ST18: variants seen among roughly 807,000 people sequenced by gnomAD.
The protein encoded by ST18 is suppression of tumorigenicity 18 protein.
ST18 carries 50 observed loss-of-function variants against 110.0 expected under a neutral mutation model. That is an observed-to-expected ratio of 0.45 (90% CI 0.36 to 0.58). The LOEUF is 0.58. ST18 is among the 20% of genes least tolerant of loss of function. ST18 has a pLI of 0.00. For synonymous variants in ST18, 461 were observed against 452.4 expected (o/e 1.02, Z -0.24); for missense variants, 1,306 against 1,280.1 (o/e 1.02, Z -0.31).
intron 17 of ST18, among the ~76,000 whole-genome samples, chr8:52,138,065 A>C (rs2053205906): frequency 6.7e-6 from 1 of 150,032 alleles, no homozygotes; most frequent in Non-Finnish European, 1.5e-5. Flanking sequence ...GCACCATTGC[A>C]CTGGGCAACA....
intron 2 of ST18, among the ~76,000 whole-genome samples, chr8:52,292,496 A>G (rs1325933259): frequency 6.6e-6 from 1 of 152,236 alleles, no homozygotes; most frequent in African/African-American, 2.4e-5. Context: ...TCTTACAAGT[A>G]TATGCACCTA....
chr8:52,372,631 A>C (rs1590362457), intron 2 of ST18, among the ~76,000 whole-genome samples: 1 of 152,304 alleles, frequency 6.6e-6, no homozygotes, highest in East Asian at 1.9e-4. Flanking sequence ...TCCATGTTTA[A>C]ATATGTTTAG....
intron 19 of ST18, among the ~76,000 whole-genome samples, chr8:52,135,795 A>G (rs2051949410): frequency 6.6e-6 from 1 of 152,064 alleles, no homozygotes; most frequent in Non-Finnish European, 1.5e-5. Flanking sequence ...CTAAGAAAAT[A>G]TAATACGTGA....
At chr8:52,194,041 A>AT (rs34683945) in intron 8 of ST18, among the ~76,000 whole-genome samples, 3 of 151,918 alleles carry the variant, frequency 2.0e-5, no homozygotes, top group Admixed American at 6.6e-5. Flanking sequence ...AAAGGGGAGA[A>AT]TTTTTTTTCC....
At chr8:52,374,707 C>G (rs1831554991) in intron 2 of ST18, among the ~76,000 whole-genome samples, 2 of 152,142 alleles carry the variant, frequency 1.3e-5, no homozygotes, top group Admixed American at 6.5e-5. Context: ...TGACAGGCTG[C>G]AGTGTGTGTT....
chr8:52,254,126 A>G (rs1247063917), intron 2 of ST18: 1 of 152,094 alleles, frequency 6.6e-6, no homozygotes, highest in Non-Finnish European at 1.5e-5. Context: ...CTTTGCTAAC[A>G]TCCACCCCCC....
In ST18 at chr8:52,215,323, G is replaced by A. The variant is rs1289573772; in HGVS notation, c.1-1066C>T. 5.3e-5 allele frequency among the ~76,000 whole-genome samples: 8 copies of A among 152,254 alleles called. No individual in the cohort carries two copies. In the South Asian group the frequency reaches 6.2e-4, roughly 12 times the overall value. On this transcript the variant is annotated intron_variant, in intron 6 of 25. Coordinates refer to ENST00000689386, the MANE Select transcript of ST18 (RefSeq NM_001352837.2). ...ATGTGCCACACTTTTACTGCCATTC[G>A]ACGCTCTCCAAGGTCCTGCACATAA...
chr8:52,236,700 T>C (rs1047185816), intron 2 of ST18, among the ~76,000 whole-genome samples: 17 of 151,678 alleles, frequency 1.1e-4, no homozygotes, highest in Non-Finnish European at 1.9e-4. Flanking sequence ...TTGAGAAAAA[T>C]CATAGAAAGA....
intron 2 of ST18, among the ~76,000 whole-genome samples, chr8:52,353,245 G>A (rs776529511): frequency 1.3e-5 from 2 of 152,090 alleles, no homozygotes; most frequent in Non-Finnish European, 1.5e-5. Flanking sequence ...TCACACTGTC[G>A]AAGCACTTTA....
chr8:52,407,434 A>G (rs760816234), intron 2 of ST18: 1 of 144,488 alleles, frequency 6.9e-6, no homozygotes, highest in East Asian at 2.0e-4. Context: ...ACGAATCTGA[A>G]TTTGTGATTT....
chr8:52,386,637 T>C (rs1301716665), intron 2 of ST18, among the ~76,000 whole-genome samples: 2 of 152,186 alleles, frequency 1.3e-5, no homozygotes, highest in Non-Finnish European at 2.9e-5. Context: ...TGAATAGATA[T>C]TTTTGTTCAT....
intron 2 of ST18, among the ~76,000 whole-genome samples, chr8:52,315,284 T>G (rs539619121): frequency 6.6e-6 from 1 of 152,330 alleles, no homozygotes; most frequent in East Asian, 1.9e-4. Flanking sequence ...GAAGAGGCTA[T>G]TTATTAAAAG....
intron 8 of ST18, among the ~76,000 whole-genome samples, chr8:52,191,115 G>A (rs1015623280): frequency 1.3e-5 from 2 of 152,216 alleles, no homozygotes; most frequent in African/African-American, 4.8e-5. Flanking sequence ...GCAAGTCCAG[G>A]CTGCAGTGTG....
At chr8:52,195,834 T>G (rs2076024627) in intron 8 of ST18, among the ~76,000 whole-genome samples, 1 of 152,124 alleles carries the variant, frequency 6.6e-6, no homozygotes, top group Non-Finnish European at 1.5e-5. Flanking sequence ...AGTTTGTATT[T>G]CTAACCAAAA....
At chr8:52,293,526 T>A (rs963438574) in intron 2 of ST18, among the ~76,000 whole-genome samples, 4 of 152,214 alleles carry the variant, frequency 2.6e-5, no homozygotes, top group Admixed American at 2.6e-4. Context: ...GCCCCAGTGT[T>A]TCTGTCCCTC....
rs559493519 is a variant in ST18, at chr8:52,214,262, A to G, written c.1-5T>C. ...ATCTTCAGCCTCTGCATCCATCTAT[A>G]ACATGAACACAAAGTCCTGAGGTCA... On this transcript the variant is annotated splice_region_variant and splice_polypyrimidine_tract_variant and intron_variant, in intron 6 of 25. Transcript: ENST00000689386. 3.7e-6 allele frequency: 6 copies of G among 1,613,880 alleles called. No individual in the cohort carries two copies. The highest frequency in any genetic ancestry group is 1.1e-5 in the South Asian group (1 of 91,066).
chr8:52,284,490 C>G (rs552564234), intron 2 of ST18, among the ~76,000 whole-genome samples: 1 of 152,104 alleles, frequency 6.6e-6, no homozygotes, highest in Admixed American at 6.6e-5. Flanking sequence ...TATGAGAGAA[C>G]ACAGGGAGTG....
intron 8 of ST18, among the ~76,000 whole-genome samples, chr8:52,183,663 A>T (rs1017728624): frequency 6.6e-6 from 1 of 152,194 alleles, no homozygotes; most frequent in Non-Finnish European, 1.5e-5. Flanking sequence ...CATCTGTGCT[A>T]GTAGTGACAA....
intron 2 of ST18, among the ~76,000 whole-genome samples, chr8:52,260,365 T>C (rs2094649117): frequency 6.6e-6 from 1 of 152,182 alleles, no homozygotes; most frequent in Non-Finnish European, 1.5e-5. Context: ...ACAAAGCAAC[T>C]GAATTATATA....
Sources: gnomAD v4.1 joint callset for allele counts (sites outside exome capture counted in the v4.1 genomes callset) on GRCh38, gnomAD v4.1.1 for gene constraint, MANE v1.5 for transcripts, NCBI Gene and HGNC (gene_info 2026-07-23, HGNC 2026-07-21) for gene names.